The following RBFOX1 variants were observed in gnomAD, a reference collection of about 807,000 sequenced individuals.
RBFOX1 encodes the protein RNA binding protein fox-1 homolog 1.
Under a neutral mutation model 57.7 loss-of-function variants are expected in RBFOX1, and 8 were observed. The ratio of observed to expected loss-of-function variants is 0.14; its 90% CI spans 0.08 to 0.25. The LOEUF (loss-of-function observed/expected upper bound fraction) is 0.25, where lower values mean the gene tolerates loss of function less well. Among genes scored for constraint, RBFOX1 ranks in the 10% least tolerant of loss-of-function variants. The pLI is 1.00. For synonymous variants in RBFOX1, 326 were observed against 222.4 expected (o/e 1.47, Z -4.15); for missense variants, 611 against 548.5 (o/e 1.11, Z -1.14).
At chr16:5,699,936 C>T (rs1248317298) in intron 3 of RBFOX1, among the ~76,000 whole-genome samples, 1 of 152,164 alleles carries the variant, frequency 6.6e-6, no homozygotes, top group Non-Finnish European at 1.5e-5. Flanking sequence ...CGGGTTCACG[C>T]CATTCTCCTG....
At chr16:6,056,529 T>C (rs1486498727) in intron 1 of RBFOX1, among the ~76,000 whole-genome samples, 2 of 152,226 alleles carry the variant, frequency 1.3e-5, no homozygotes, top group African/African-American at 4.8e-5. Flanking sequence ...AAAAACCTTG[T>C]AATTTATTTA....
At chr16:6,611,516 C>G (rs530610630) in intron 2 of RBFOX1, among the ~76,000 whole-genome samples, 8 of 152,146 alleles carry the variant, frequency 5.3e-5, no homozygotes, top group Non-Finnish European at 7.3e-5. Context: ...TCTTTGCCCC[C>G]GTGTGATTCT....
intron 4 of RBFOX1, among the ~76,000 whole-genome samples, chr16:7,462,161 C>T (rs544373913): frequency 3.5e-4 from 53 of 152,300 alleles, no homozygotes; most frequent in Middle Eastern, 3.4e-3. Flanking sequence ...GCCCAGCCTT[C>T]GGAGGGAAAC....
chr16:5,385,860 T>C (rs566147), intron 1 of RBFOX1, among the ~76,000 whole-genome samples: 4,216 of 152,280 alleles, frequency 0.028, 207 homozygotes, highest in African/African-American at 0.097. Context: ...ACTGATATAA[T>C]GTGTGATTGA....
At chr16:5,243,551 C>G (rs1204972864) in intron 1 of RBFOX1, among the ~76,000 whole-genome samples, 1 of 152,164 alleles carries the variant, frequency 6.6e-6, no homozygotes, top group Non-Finnish European at 1.5e-5. Context: ...CATCTGTGGT[C>G]TCCATCCTCT....
In RBFOX1 at chr16:6,133,527, C is replaced by T. The variant is rs147937798; in HGVS notation, c.-127+113535C>T. On this transcript the variant is annotated intron_variant, in intron 1 of 15. Coordinates refer to ENST00000550418, the MANE Select transcript of RBFOX1 (RefSeq NM_018723.4). ...TCAACCCTGCCTTGATTCCTGCGAT[C>T]ACGCTATGTTTACTGTTACCCCTCC... 2.4e-4 allele frequency among the ~76,000 whole-genome samples: 36 copies of T among 152,314 alleles called. No individual in the cohort carries two copies. In the East Asian group the frequency reaches 6.8e-3, roughly 29 times the overall value.
intron 3 of RBFOX1, among the ~76,000 whole-genome samples, chr16:6,997,634 T>G (rs1216732232): frequency 6.6e-6 from 1 of 152,202 alleles, no homozygotes; most frequent in Non-Finnish European, 1.5e-5. Flanking sequence ...TGCTTAATTT[T>G]TAAAGGGTCT....
intron 3 of RBFOX1, among the ~76,000 whole-genome samples, chr16:5,734,360 C>T (rs2052495459): frequency 1.3e-5 from 2 of 152,090 alleles, no homozygotes; most frequent in South Asian, 4.1e-4. Context: ...CCCAGGGGTT[C>T]AAGGCTGCAG....
chr16:5,893,194 C>T (rs147854076), intron 4 of RBFOX1, among the ~76,000 whole-genome samples: 1 of 152,186 alleles, frequency 6.6e-6, no homozygotes, highest in African/African-American at 2.4e-5. Flanking sequence ...AAGTATGCTC[C>T]TCATCCTCAC....
intron 13 of RBFOX1, among the ~76,000 whole-genome samples, chr16:7,666,559 C>A (rs918554929): frequency 6.6e-6 from 1 of 152,176 alleles, no homozygotes; most frequent in South Asian, 2.1e-4. Context: ...GCCTCAGATT[C>A]TTGAGTAGCA....
At chr16:7,512,877 T>C (rs763302646) in intron 4 of RBFOX1, among the ~76,000 whole-genome samples, 1 of 152,198 alleles carries the variant, frequency 6.6e-6, no homozygotes, top group Admixed American at 6.5e-5. Flanking sequence ...TTGAATCAAA[T>C]ACCCTAGTCC....
intron 3 of RBFOX1, among the ~76,000 whole-genome samples, chr16:5,651,930 C>T (rs1322430613): frequency 2.0e-5 from 3 of 152,078 alleles, no homozygotes; most frequent in Non-Finnish European, 2.9e-5. Context: ...GTCAGGAGTT[C>T]AAGACCAGCC....
At chr16:6,900,377 C>T (rs1457641344) in intron 3 of RBFOX1, among the ~76,000 whole-genome samples, 1 of 152,192 alleles carries the variant, frequency 6.6e-6, no homozygotes. Context: ...AACCTCTATC[C>T]ATGCTCCCAT....
At chr16:5,734,044 C>T (rs943399807) in intron 3 of RBFOX1, among the ~76,000 whole-genome samples, 8 of 152,256 alleles carry the variant, frequency 5.3e-5, no homozygotes, top group Middle Eastern at 3.4e-3. Flanking sequence ...AGAACATGCA[C>T]GAACAGCCCA....
intron 1 of RBFOX1, among the ~76,000 whole-genome samples, chr16:5,443,784 C>T (rs2151545811): frequency 6.6e-6 from 1 of 152,326 alleles, no homozygotes; most frequent in South Asian, 2.1e-4. Flanking sequence ...GCAAGACATA[C>T]ATTCATTTGA....
chr16:5,899,661 G>T (rs2058259539), intron 4 of RBFOX1, among the ~76,000 whole-genome samples: 1 of 152,168 alleles, frequency 6.6e-6, no homozygotes, highest in South Asian at 2.1e-4. Context: ...GGTGGGTGGT[G>T]CATTATCAAA....
At chr16:5,558,544 C>G (rs894550581) in intron 2 of RBFOX1, among the ~76,000 whole-genome samples, 10 of 152,254 alleles carry the variant, frequency 6.6e-5, no homozygotes, top group Admixed American at 1.3e-4. Context: ...CTCCTGAGAT[C>G]CTTACAAAGG....
At chr16:7,285,936 C>T (rs1187242484) in intron 4 of RBFOX1, among the ~76,000 whole-genome samples, 2 of 152,102 alleles carry the variant, frequency 1.3e-5, no homozygotes, top group African/African-American at 2.4e-5. Context: ...TTAAGAGAAA[C>T]TGATTGATTT....
At chr16:6,509,081 G>T (rs1444560324) in intron 2 of RBFOX1, among the ~76,000 whole-genome samples, 4 of 152,116 alleles carry the variant, frequency 2.6e-5, no homozygotes, top group African/African-American at 9.7e-5. Context: ...CTTGAGAAAA[G>T]ACTGATTTTA....
Sources: gnomAD v4.1 joint callset for allele counts (sites outside exome capture counted in the v4.1 genomes callset) on GRCh38, gnomAD v4.1.1 for gene constraint, MANE v1.5 for transcripts, NCBI Gene and HGNC (gene_info 2026-07-23, HGNC 2026-07-21) for gene names.